Variants in TMEM33 observed in about 807,000 individuals in gnomAD.
The protein encoded by TMEM33 is transmembrane protein 33.
Under a neutral mutation model 29.7 loss-of-function variants are expected in TMEM33, and 16 were observed. The ratio of observed to expected loss-of-function variants is 0.54; its 90% CI spans 0.36 to 0.82. TMEM33 has a LOEUF of 0.82. Ranked by LOEUF, TMEM33 falls within the 40% of genes least tolerant of loss-of-function variation. The pLI, the probability that TMEM33 is intolerant of heterozygous loss-of-function variation, is 0.00. For synonymous variants in TMEM33, 112 were observed against 109.4 expected, an observed-to-expected ratio of 1.02 and a Z score of -0.15; for missense variants, 252 against 295.3, an observed-to-expected ratio of 0.85 and a Z score of 1.08.
chr4:41,951,351 A>ACT (rs1272839884), intron 6 of TMEM33, among the ~76,000 whole-genome samples: 1 of 152,148 alleles, frequency 6.6e-6, no homozygotes, highest in Admixed American at 6.5e-5. Context: ...TTTTGTCATT[A>ACT]CTCAAAGTTC....
chr4:41,942,369 A>G (rs35386301), intron 3 of TMEM33, among the ~76,000 whole-genome samples: 9,950 of 152,210 alleles, frequency 0.065, 443 homozygotes, highest in African/African-American at 0.12. Flanking sequence ...TTGGAGAACT[A>G]TATTAGGGAG....
In TMEM33 at chr4:41,938,823, C is replaced by G. The variant is rs1577647154; in HGVS notation, c.140+127C>G. On this transcript the variant is annotated intron_variant, in intron 2 of 6. Transcript: ENST00000504986. ...GGACAAATAAAATACAAGTTCCAGC[C>G]TTCAGGTACTAACAACCTAATAACA... The G allele has an allele frequency of 2.9e-5, 23 of 789,440 alleles. No individual in the cohort carries two copies. The East Asian group carries it at 5.9e-4, about 20-fold the overall frequency. The allele number at this position is 789,440 out of a possible 1,614,324, so 48.9% of individuals were successfully genotyped here.
rs1489298711 is a variant in TMEM33 at position 41,949,213 on chromosome 4, A to G, written c.531-89A>G. On this transcript the variant is annotated intron_variant, in intron 5 of 6. Coordinates refer to ENST00000504986, the MANE Select transcript of TMEM33 (RefSeq NM_018126.3). ...GACCATTTGATGAATGAAGATACAC[A>G]TATTCTCCAGTTGAATTGCTTTTAA... 30 of 786,352 alleles carry G rather than the reference A, an allele frequency of 3.8e-5. No individual in the cohort carries two copies. The East Asian group carries it at 4.8e-4, about 13-fold the overall frequency. The allele number at this position is 786,352 out of a possible 1,614,324, so 48.7% of individuals were successfully genotyped here.
intron 6 of TMEM33, among the ~76,000 whole-genome samples, chr4:41,953,329 T>C (rs1017216759): frequency 1.2e-4 from 18 of 152,220 alleles, no homozygotes; most frequent in Non-Finnish European, 2.4e-4. Context: ...GATGAATTTT[T>C]TGGTTTTCCA....
chr4:41,938,733 T>C, intron 2 of TMEM33, 37 bp downstream of exon 2: 1 of 1,599,934 alleles, frequency 6.3e-7, no homozygotes, highest in Non-Finnish European at 8.6e-7. Flanking sequence ...TGATATTCAA[T>C]TGTTGAGTCA....
intron 1 of TMEM33, among the ~76,000 whole-genome samples, chr4:41,936,411 C>G (rs370435573): frequency 5.9e-5 from 9 of 152,318 alleles, no homozygotes; most frequent in African/African-American, 2.2e-4. Context: ...GGCGTGGTGG[C>G]TCACGCCTGT....
intron 5 of TMEM33, among the ~76,000 whole-genome samples, chr4:41,946,093 T>A (rs1159072900): frequency 1.3e-5 from 2 of 151,122 alleles, no homozygotes; most frequent in South Asian, 2.1e-4. Context: ...TTTTTTTTTT[T>A]AGCCGTATAA....
In TMEM33 at chr4:41,959,505, C is replaced by CTAAATCT. The variant is rs1713397687; in HGVS notation, c.*5306_*5307insTAAATCT. ...GATGGATGTCTTTGCTGAAATCTAACAATTAGCTCATATTCCATGAGAAAG... is the reference window on the plus strand; with the variant it reads ...GATGGATGTCTTTGCTGAAATCTAACTAAATCTAATTAGCTCATATTCCATGAGAAAG... On this transcript the variant is annotated 3_prime_UTR_variant, in exon 7 of 7. Coordinates refer to ENST00000504986, the MANE Select transcript of TMEM33 (RefSeq NM_018126.3). 6.6e-6 allele frequency: 1 copy of CTAAATCT among 152,192 alleles called. No homozygotes were observed. Among genetic ancestry groups the CTAAATCT allele is most frequent in the Admixed American group, 6.5e-5 (1 of 15,280 alleles). 9.4% of individuals were successfully genotyped at this position (152,192 alleles called of 1,614,324 possible).
chr4:41,948,370 CT>C (rs1319332724), intron 5 of TMEM33, among the ~76,000 whole-genome samples: 2 of 151,848 alleles, frequency 1.3e-5, no homozygotes, highest in African/African-American at 4.8e-5. Flanking sequence ...TGTTGTGTCT[CT>C]TACATTTTCA....
At chr4:41,951,373 C>G (rs1713033476) in intron 6 of TMEM33, among the ~76,000 whole-genome samples, 1 of 152,166 alleles carries the variant, frequency 6.6e-6, no homozygotes, top group African/African-American at 2.4e-5. Context: ...GTTGTCAGTG[C>G]TATTAAGGAA....
At position 41,960,136 on chromosome 4, in the gene TMEM33, A is replaced by G. The variant is rs1244293125; in HGVS notation, c.*5937A>G. On this transcript the variant is annotated 3_prime_UTR_variant, in exon 7 of 7. Transcript: ENST00000504986. ...GAAAATGTGAAGTCCTTTCAAGAAAATCTAATAAACATAATAATCATAGCC... is the reference window on the plus strand; with the variant it reads ...GAAAATGTGAAGTCCTTTCAAGAAAGTCTAATAAACATAATAATCATAGCC... The G allele has an allele frequency of 6.6e-6, 1 of 152,190 alleles. No homozygotes were observed. Among genetic ancestry groups the G allele is most frequent in the African/African-American group, 2.4e-5 (1 of 41,454 alleles). The allele number at this position is 152,190 out of a possible 1,614,324, so 9.4% of individuals were successfully genotyped here. A position where few individuals can be genotyped will look rare whatever the true frequency, so the allele number is the denominator to read the frequency against.
intron 6 of TMEM33, among the ~76,000 whole-genome samples, chr4:41,950,179 T>C (rs541602587): frequency 6.6e-6 from 1 of 152,266 alleles, no homozygotes; most frequent in African/African-American, 2.4e-5. Flanking sequence ...TTTAGGGAAT[T>C]ACTGTAGTTT....
In TMEM33 at chr4:41,954,080, A is replaced by G. The variant is rs775581184; in HGVS notation, c.625A>G (p.Asn209Asp). The G allele has an allele frequency of 1.9e-6, 3 of 1,613,648 alleles. No homozygotes were observed. Among genetic ancestry groups the G allele is most frequent in the South Asian group, 2.2e-5 (2 of 90,984 alleles). The change falls in exon 7 of 7, where the codon AAT becomes GAT. Residue 209 changes from asparagine (N) to aspartate (D), a missense_variant. Coordinates refer to ENST00000504986, the MANE Select transcript of TMEM33 (RefSeq NM_018126.3). ...TATTTTGTCTTGCAGGACCTTATTT[A>G]ATGAACTGAGGATTGTTGTTGAACA... Reference protein sequence around the residue: ...RRNPYCRTLFNELRIVVEHII... With the variant: ...RRNPYCRTLFDELRIVVEHII...
intron 2 of TMEM33, among the ~76,000 whole-genome samples, chr4:41,938,947 T>C (rs1457576697): frequency 6.6e-6 from 1 of 152,238 alleles, no homozygotes; most frequent in Non-Finnish European, 1.5e-5. Context: ...TTCATGTTTT[T>C]TTCATTTTTA....
intron 6 of TMEM33, among the ~76,000 whole-genome samples, chr4:41,953,607 G>T (rs969633400): frequency 6.6e-6 from 1 of 152,126 alleles, no homozygotes. Context: ...GACATGGGAG[G>T]CCTCCTTTCA....
chr4:41,938,519 G>A, intron 1 of TMEM33, 83 bp from the exon 2 acceptor site: 1 of 1,249,384 alleles, frequency 8.0e-7, no homozygotes, highest in Non-Finnish European at 1.2e-6. Context: ...AATATTTTGA[G>A]TAGACATAAA....
At chr4:41,949,258 G>C in intron 5 of TMEM33, 44 bp from the exon 6 acceptor site, 3 of 1,374,678 alleles carry the variant, frequency 2.2e-6, no homozygotes, top group Non-Finnish European at 3.1e-6. Context: ...GTATACACAT[G>C]AATTGAAATG....
Position 41,954,309 on chromosome 4 carries a change from A to G in TMEM33, c.*110A>G. On this transcript the variant is annotated 3_prime_UTR_variant, in exon 7 of 7. Transcript: ENST00000504986. ...ACACTGACCTCAATCCAATTTACAT[A>G]ATTTACATAAATGCATCTCGGTGGA... is the stretch of plus-strand genomic sequence containing the variant. 1 of 1,089,480 alleles carries G rather than the reference A, an allele frequency of 9.2e-7. No individual in the cohort carries two copies. The highest frequency in any genetic ancestry group is 1.3e-6 in the Non-Finnish European group (1 of 784,674). The allele number at this position is 1,089,480 out of a possible 1,614,324, so 67.5% of individuals were successfully genotyped here.
At chr4:41,940,212 G>A (rs980919639) in intron 3 of TMEM33, among the ~76,000 whole-genome samples, 2 of 151,948 alleles carry the variant, frequency 1.3e-5, no homozygotes, top group African/African-American at 2.4e-5. Flanking sequence ...GTATTCTAAC[G>A]TGTGTTGTGA....
Sources: gnomAD v4.1 joint callset for allele counts (sites outside exome capture counted in the v4.1 genomes callset) on GRCh38, gnomAD v4.1.1 for gene constraint, MANE v1.5 for transcripts, NCBI Gene and HGNC (gene_info 2026-07-23, HGNC 2026-07-21) for gene names.